The following HYCC1 variants were observed in gnomAD, a reference collection of about 807,000 sequenced individuals.
HYCC1 encodes the protein hyccin PI4KA lipid kinase complex subunit 1, also known as hyccin.
At chr7:23,012,728 G>C in the HYCC1 span, among the ~76,000 whole-genome samples, 3 of 152,162 alleles carry the variant, frequency 2.0e-5, no homozygotes, top group African/African-American at 7.2e-5. Context: ...CGGGGGAGGT[G>C]GGGTGCCTGT....
chr7:22,997,646 C>A, the HYCC1 span, among the ~76,000 whole-genome samples: 1 of 152,112 alleles, frequency 6.6e-6, no homozygotes, highest in African/African-American at 2.4e-5. Context: ...TGAAGGAGGA[C>A]AGTATATGTG....
chr7:22,918,766 G>A, the HYCC1 span, among the ~76,000 whole-genome samples: 1 of 151,550 alleles, frequency 6.6e-6, no homozygotes, highest in Admixed American at 6.6e-5. Context: ...CCCTTTGACT[G>A]TAATTTTCCA....
At chr7:23,000,709 T>G in the HYCC1 span, among the ~76,000 whole-genome samples, 1 of 152,124 alleles carries the variant, frequency 6.6e-6, no homozygotes, top group Admixed American at 6.6e-5. Flanking sequence ...CAGTGGAATT[T>G]AGCAAGGTGC....
At chr7:23,013,674 C>A in the HYCC1 span, among the ~76,000 whole-genome samples, 2 of 93,232 alleles carry the variant, frequency 2.1e-5, no homozygotes, top group African/African-American at 8.8e-5. Context: ...GCAGGCTGCG[C>A]CCAACTTCGG....
the HYCC1 span, among the ~76,000 whole-genome samples, chr7:22,917,078 C>T: frequency 2.0e-5 from 3 of 152,186 alleles, no homozygotes; most frequent in Non-Finnish European, 2.9e-5. Context: ...CAGATCCCAT[C>T]GCTCAGGGTA....
the HYCC1 span, among the ~76,000 whole-genome samples, chr7:22,987,306 G>C: frequency 6.6e-6 from 1 of 152,222 alleles, no homozygotes; most frequent in Non-Finnish European, 1.5e-5. Context: ...CAACACATTT[G>C]GGAGGCCAAG....
chr7:22,962,766 C>T, the HYCC1 span, among the ~76,000 whole-genome samples: 1 of 147,706 alleles, frequency 6.8e-6, no homozygotes, highest in East Asian at 2.0e-4. Context: ...CCCCCCCACC[C>T]AACCCCACCA....
the HYCC1 span, among the ~76,000 whole-genome samples, chr7:22,904,886 A>G: frequency 6.6e-6 from 1 of 150,958 alleles, no homozygotes; most frequent in African/African-American, 2.4e-5. Context: ...AAAAAAAAAA[A>G]GAAAGAAAAG....
At chr7:23,013,690 G>A in the HYCC1 span, among the ~76,000 whole-genome samples, 1 of 28 alleles carries the variant, frequency 0.036, no homozygotes, top group African/African-American at 0.083. Context: ...TTCGGGGCGA[G>A]CAGCGCCGGC....
At chr7:22,957,598 A>G in the HYCC1 span, among the ~76,000 whole-genome samples, 13 of 151,994 alleles carry the variant, frequency 8.6e-5, no homozygotes, top group African/African-American at 2.7e-4. Context: ...TCCTTTCCCA[A>G]TCCTCATCAC....
the HYCC1 span, chr7:22,940,236 G>GTTTTTTTTTTTTTTTTTTTTTT: frequency 3.4e-5 from 3 of 87,174 alleles, no homozygotes; most frequent in African/African-American, 5.1e-5. Flanking sequence ...AATAGGTTCT[G>GTTTTTTTTTTTTTTTTTTTTTT]TTTTTTTTTT....
At chr7:22,954,583 A>G in the HYCC1 span, among the ~76,000 whole-genome samples, 1 of 151,380 alleles carries the variant, frequency 6.6e-6, no homozygotes, top group African/African-American at 2.4e-5. Context: ...AAAATGCAAT[A>G]AAACTGCTTT....
At chr7:22,976,933 G>A in the HYCC1 span, 2 of 642,498 alleles carry the variant, frequency 3.1e-6, no homozygotes, top group South Asian at 1.8e-5. Context: ...TATTTAGGCT[G>A]CCTACCAAAT....
At chr7:22,948,589 T>G in the HYCC1 span, among the ~76,000 whole-genome samples, 5 of 152,112 alleles carry the variant, frequency 3.3e-5, no homozygotes, top group Admixed American at 2.0e-4. Flanking sequence ...TTTTAAAAAC[T>G]TAAGATAAAA....
At chr7:22,907,953 C>T in the HYCC1 span, among the ~76,000 whole-genome samples, 1 of 151,986 alleles carries the variant, frequency 6.6e-6, no homozygotes, top group Non-Finnish European at 1.5e-5. Context: ...TGCTTCTTTC[C>T]CACTACCACC....
chr7:22,905,307 C>G, the HYCC1 span, among the ~76,000 whole-genome samples: 53 of 151,088 alleles, frequency 3.5e-4, no homozygotes, highest in Admixed American at 9.3e-4. Context: ...CAGGTTCAAG[C>G]GATTCTCCTG....
the HYCC1 span, among the ~76,000 whole-genome samples, chr7:23,002,844 G>C: frequency 6.6e-6 from 1 of 152,130 alleles, no homozygotes; most frequent in African/African-American, 2.4e-5. Flanking sequence ...TCTAGGCTAG[G>C]AGTCTAAGAT....
At chr7:22,990,882 G>T in the HYCC1 span, among the ~76,000 whole-genome samples, 1 of 152,100 alleles carries the variant, frequency 6.6e-6, no homozygotes, top group Admixed American at 6.5e-5. Context: ...GGGGAAAAAA[G>T]GAATCAATTT....
chr7:22,960,519 G>C, the HYCC1 span: 1 of 910,236 alleles, frequency 1.1e-6, no homozygotes, highest in Non-Finnish European at 1.8e-6. Context: ...ATACAAAGAG[G>C]CTCTTCCCAA....
Sources: allele counts gnomAD v4.1 joint callset (sites outside exome capture counted in the v4.1 genomes callset), GRCh38; gene constraint gnomAD v4.1.1; transcripts MANE v1.5; gene names NCBI Gene and HGNC (gene_info 2026-07-23, HGNC 2026-07-21).